WWOX: variants seen among roughly 807,000 people sequenced by gnomAD.
WWOX encodes WW domain containing oxidoreductase, also known as WW domain-containing oxidoreductase.
WWOX carries 69 observed loss-of-function variants against 46.2 expected under a neutral mutation model. That is an observed-to-expected ratio of 1.49 (90% CI 1.23 to 1.82). WWOX has a LOEUF of 1.82. WWOX is among the 40% of genes most tolerant of loss of function. WWOX has a pLI of 0.00. For missense variants in WWOX, 919 were observed against 542.6 expected (o/e 1.69, Z -6.89); for synonymous variants, 359 against 202.6 (o/e 1.77, Z -6.56).
intron 8 of WWOX, among the ~76,000 whole-genome samples, chr16:78,534,112 A>C (rs570696880): frequency 1.3e-5 from 2 of 152,206 alleles, no homozygotes; most frequent in African/African-American, 2.4e-5. Context: ...TGAGTTATAG[A>C]AAAATTTATT....
chr16:78,820,975 T>C (rs1208803058), intron 8 of WWOX, among the ~76,000 whole-genome samples: 3 of 152,292 alleles, frequency 2.0e-5, no homozygotes, highest in East Asian at 1.9e-4. Flanking sequence ...ACACCAGTCA[T>C]TGGACTTAGG....
chr16:78,236,132 T>A (rs1328896199), intron 5 of WWOX, among the ~76,000 whole-genome samples: 1 of 152,230 alleles, frequency 6.6e-6, no homozygotes, highest in Non-Finnish European at 1.5e-5. Flanking sequence ...CTGACTCTGG[T>A]GTTCAGATCA....
chr16:78,295,010 A>T (rs1427254065), intron 5 of WWOX, among the ~76,000 whole-genome samples: 2 of 152,156 alleles, frequency 1.3e-5, no homozygotes, highest in African/African-American at 2.4e-5. Flanking sequence ...CATGCTCAGA[A>T]GTCTGGGTTG....
intron 8 of WWOX, among the ~76,000 whole-genome samples, chr16:78,622,980 C>G (rs780855104): frequency 6.6e-6 from 1 of 151,962 alleles, no homozygotes; most frequent in Non-Finnish European, 1.5e-5. Flanking sequence ...CTGAGAGTGC[C>G]CTAAGGAAGC....
At chr16:78,858,360 G>A (rs1264920346) in intron 8 of WWOX, among the ~76,000 whole-genome samples, 2 of 151,404 alleles carry the variant, frequency 1.3e-5, no homozygotes, top group African/African-American at 4.9e-5. Context: ...GTATATATAT[G>A]TGTGTGTATG....
At chr16:79,125,348 C>T (rs879642960) in intron 8 of WWOX, among the ~76,000 whole-genome samples, 20 of 152,152 alleles carry the variant, frequency 1.3e-4, no homozygotes, top group Non-Finnish European at 1.9e-4. Flanking sequence ...ATGCTCATAG[C>T]GTCCAATAGC....
chr16:79,077,635 G>T (rs2048682588), intron 8 of WWOX: 1 of 125,054 alleles, frequency 8.0e-6, no homozygotes, highest in African/African-American at 3.1e-5. Flanking sequence ...TCCTTAAATG[G>T]TCCCCCCTTT....
rs879890027 is a variant in WWOX at position 78,771,780 on chromosome 16, TAA to T, written c.1056+339030_1056+339031del. Among the ~76,000 whole-genome samples, 585 of 117,084 alleles carry T rather than the reference TAA, an allele frequency of 5.0e-3. 7 individuals are homozygous for T. Among genetic ancestry groups the T allele is most frequent in the Middle Eastern group, 0.021 (5 of 238 alleles). The allele number at this position is 117,084 out of a possible 152,430, so 76.8% of individuals were successfully genotyped here. The stretch of plus-strand genomic sequence containing the variant: ...GAGTAAGACTCTGTCTCACAATAAA[TAA>T]ATAAATAAATAAATAAATAAATAAA... On this transcript the variant is annotated intron_variant, in intron 8 of 8. Coordinates refer to ENST00000566780, the MANE Select transcript of WWOX (RefSeq NM_016373.4).
chr16:79,157,859 G>C (rs925525392), intron 8 of WWOX, among the ~76,000 whole-genome samples: 1 of 152,198 alleles, frequency 6.6e-6, no homozygotes, highest in African/African-American at 2.4e-5. Flanking sequence ...AGTAGACTAG[G>C]GTTTGAGTAA....
At chr16:78,728,070 T>TTC (rs2048879080) in intron 8 of WWOX, among the ~76,000 whole-genome samples, 1 of 141,504 alleles carries the variant, frequency 7.1e-6, no homozygotes, top group Admixed American at 7.0e-5. Context: ...TTTTTTTTTT[T>TTC]TTTTTTTTTT....
At chr16:78,670,154 T>G (rs988742008) in intron 8 of WWOX, among the ~76,000 whole-genome samples, 3 of 152,126 alleles carry the variant, frequency 2.0e-5, no homozygotes, top group Non-Finnish European at 4.4e-5. Flanking sequence ...GAGCTCTTAT[T>G]CACCCCTTAT....
intron 8 of WWOX, among the ~76,000 whole-genome samples, chr16:79,084,563 T>C (rs1045572173): frequency 6.6e-6 from 1 of 152,072 alleles, no homozygotes; most frequent in Non-Finnish European, 1.5e-5. Flanking sequence ...TACAGGTGCA[T>C]GCCACCACGC....
In WWOX at chr16:78,740,069, C is replaced by T. The variant is rs189236235; in HGVS notation, c.1056+307317C>T. Reference sequence around the variant, plus strand: ...ACCTAACTGACCCCACTGTGGTCACCTTTGCCACCTGCCCTGCTTTGGTCC... The same window carrying T: ...ACCTAACTGACCCCACTGTGGTCACTTTTGCCACCTGCCCTGCTTTGGTCC... On this transcript the variant is annotated intron_variant, in intron 8 of 8. Coordinates refer to ENST00000566780, the MANE Select transcript of WWOX (RefSeq NM_016373.4). 3.3e-5 allele frequency among the ~76,000 whole-genome samples: 5 copies of T among 152,246 alleles called. No individual in the cohort carries two copies. The South Asian group carries it at 1.0e-3, about 32-fold the overall frequency.
intron 8 of WWOX, among the ~76,000 whole-genome samples, chr16:79,081,539 C>T (rs1000842880): frequency 6.6e-6 from 1 of 152,206 alleles, no homozygotes; most frequent in Non-Finnish European, 1.5e-5. Context: ...TGGAATCAAA[C>T]ATTCTCAACT....
chr16:78,298,724 G>A (rs1183931156), intron 5 of WWOX, among the ~76,000 whole-genome samples: 1 of 151,822 alleles, frequency 6.6e-6, no homozygotes, highest in African/African-American at 2.4e-5. Flanking sequence ...CTGGGAGGCG[G>A]AGGTTGTGGT....
chr16:78,796,164 G>T (rs994306333), intron 8 of WWOX, among the ~76,000 whole-genome samples: 15 of 152,142 alleles, frequency 9.9e-5, no homozygotes, highest in Non-Finnish European at 2.1e-4. Context: ...CCTTAATCAG[G>T]ATTGACTTAA....
intron 8 of WWOX, among the ~76,000 whole-genome samples, chr16:78,612,302 G>C (rs1162621893): frequency 1.3e-5 from 2 of 152,168 alleles, no homozygotes; most frequent in Non-Finnish European, 2.9e-5. Flanking sequence ...ATTTCTAAAG[G>C]AGGTAAAACT....
chr16:78,978,691 A>C (rs1245635942), intron 8 of WWOX, among the ~76,000 whole-genome samples: 1 of 152,188 alleles, frequency 6.6e-6, no homozygotes, highest in Non-Finnish European at 1.5e-5. Flanking sequence ...TCGCCAGAGC[A>C]GGAGCAACAG....
intron 8 of WWOX, among the ~76,000 whole-genome samples, chr16:78,800,307 T>C (rs2050853044): frequency 1.3e-5 from 2 of 152,212 alleles, no homozygotes; most frequent in African/African-American, 4.8e-5. Context: ...GGGCCTGTTT[T>C]TCTGTAAATG....
Sources: allele counts gnomAD v4.1 joint callset (sites outside exome capture counted in the v4.1 genomes callset), GRCh38; gene constraint gnomAD v4.1.1; transcripts MANE v1.5; gene names NCBI Gene and HGNC (gene_info 2026-07-23, HGNC 2026-07-21).